Variants in FOXP1 observed in about 807,000 individuals in gnomAD.
FOXP1 encodes forkhead box P1.
FOXP1 carries 15 observed loss-of-function variants against 98.2 expected under a neutral mutation model. The observed-to-expected ratio is 0.15, with a 90% CI of 0.10 to 0.24. FOXP1 has a LOEUF of 0.24. Among genes scored for constraint, FOXP1 ranks in the 10% least tolerant of loss-of-function variants. FOXP1 has a pLI of 1.00. For synonymous variants in FOXP1, 371 were observed against 314.5 expected (o/e 1.18, Z -1.90); for missense variants, 633 against 848.5 (o/e 0.75, Z 3.15).
At chr3:71,507,769 G>C (rs2041930414) in intron 2 of FOXP1, among the ~76,000 whole-genome samples, 1 of 152,082 alleles carries the variant, frequency 6.6e-6, no homozygotes, top group Non-Finnish European at 1.5e-5. Flanking sequence ...AGTAGAGATG[G>C]GGTTTCACCA....
chr3:71,395,975 T>C (rs1215098169), intron 3 of FOXP1, among the ~76,000 whole-genome samples: 1 of 152,178 alleles, frequency 6.6e-6, no homozygotes, highest in Non-Finnish European at 1.5e-5. Flanking sequence ...GAGGCATCTT[T>C]GCACCCACCA....
intron 13 of FOXP1, among the ~76,000 whole-genome samples, chr3:70,997,748 G>A (rs923495890): frequency 2.6e-5 from 4 of 152,202 alleles, no homozygotes; most frequent in African/African-American, 9.6e-5. Flanking sequence ...CTTCTAGAGT[G>A]TAAGAACTTG....
chr3:71,386,199 C>T (rs2080558504), intron 3 of FOXP1, among the ~76,000 whole-genome samples: 1 of 152,208 alleles, frequency 6.6e-6, no homozygotes, highest in Non-Finnish European at 1.5e-5. Flanking sequence ...TTCCTCCTAT[C>T]TGGGCTCCTC....
chr3:71,484,439 GA>G (rs1184530590), intron 3 of FOXP1, among the ~76,000 whole-genome samples: 1 of 152,172 alleles, frequency 6.6e-6, no homozygotes, highest in Non-Finnish European at 1.5e-5. Context: ...GTGCCACCTG[GA>G]GCATTCATTG....
chr3:71,376,873 G>T (rs1407784570), intron 3 of FOXP1, among the ~76,000 whole-genome samples: 1 of 151,994 alleles, frequency 6.6e-6, no homozygotes, highest in African/African-American at 2.4e-5. Context: ...AAAGGTGAGG[G>T]TATACAAAGA....
intron 3 of FOXP1, among the ~76,000 whole-genome samples, chr3:71,440,451 G>C (rs1242663993): frequency 6.6e-6 from 1 of 152,052 alleles, no homozygotes; most frequent in Non-Finnish European, 1.5e-5. Context: ...GCTGAGGCGG[G>C]CAGATCACGA....
intron 2 of FOXP1, among the ~76,000 whole-genome samples, chr3:71,494,131 G>A (rs988650731): frequency 3.9e-5 from 6 of 152,026 alleles, no homozygotes; most frequent in African/African-American, 7.2e-5. Flanking sequence ...AAGCACATAC[G>A]GTGCGATGGT....
At chr3:71,487,724 G>T (rs573850548) in intron 3 of FOXP1, among the ~76,000 whole-genome samples, 1 of 152,184 alleles carries the variant, frequency 6.6e-6, no homozygotes, top group Non-Finnish European at 1.5e-5. Flanking sequence ...TCATGTGAAC[G>T]AAAGTCTGCC....
chr3:71,053,328 T>C (rs934490462), intron 8 of FOXP1, among the ~76,000 whole-genome samples: 2 of 152,206 alleles, frequency 1.3e-5, no homozygotes, highest in East Asian at 1.9e-4. Flanking sequence ...TTTGCTTTGA[T>C]TCACACCATT....
intron 6 of FOXP1, among the ~76,000 whole-genome samples, chr3:71,136,601 T>C (rs2059830369): frequency 6.6e-6 from 1 of 152,222 alleles, no homozygotes; most frequent in African/African-American, 2.4e-5. Flanking sequence ...ATTAAGATAC[T>C]GCATTTTCAT....
chr3:71,044,216 A>G (rs1303641729), intron 10 of FOXP1, among the ~76,000 whole-genome samples: 2 of 152,228 alleles, frequency 1.3e-5, no homozygotes, highest in Non-Finnish European at 2.9e-5. Context: ...AAATTTCCAG[A>G]AAGTATGTAT....
intron 3 of FOXP1, among the ~76,000 whole-genome samples, chr3:71,472,493 G>A (rs938215436): frequency 6.7e-6 from 1 of 150,234 alleles, no homozygotes; most frequent in African/African-American, 2.5e-5. Context: ...GTCATATTTT[G>A]GGTGTCGGTT....
chr3:71,061,375 G>C (rs935439579), intron 7 of FOXP1, among the ~76,000 whole-genome samples: 2 of 152,116 alleles, frequency 1.3e-5, no homozygotes, highest in African/African-American at 2.4e-5. Context: ...TACGTGCAAA[G>C]ATACATGAAA....
At chr3:71,050,084 T>G (rs187041611) in intron 9 of FOXP1, among the ~76,000 whole-genome samples, 1 of 152,284 alleles carries the variant, frequency 6.6e-6, no homozygotes, top group East Asian at 1.9e-4. Flanking sequence ...TCTTGCTTTC[T>G]CCTTGTTTAG....
intron 5 of FOXP1, among the ~76,000 whole-genome samples, chr3:71,205,845 G>A (rs2063997246): frequency 6.6e-6 from 1 of 152,128 alleles, no homozygotes; most frequent in East Asian, 1.9e-4. Flanking sequence ...ACGCAAGCAA[G>A]GAACACTAAA....
At chr3:71,313,822 G>A (rs1045734614) in intron 4 of FOXP1, among the ~76,000 whole-genome samples, 9 of 152,190 alleles carry the variant, frequency 5.9e-5, no homozygotes, top group Non-Finnish European at 1.2e-4. Flanking sequence ...ACCGTGCCCG[G>A]TCGAGTATCT....
chr3:71,227,230 C>T (rs923040964), intron 5 of FOXP1, among the ~76,000 whole-genome samples: 1 of 152,076 alleles, frequency 6.6e-6, no homozygotes, highest in Non-Finnish European at 1.5e-5. Context: ...CATGTCTCCT[C>T]GGATCCCCTT....
chr3:71,201,944 C>A (rs1028737069), intron 5 of FOXP1, among the ~76,000 whole-genome samples: 3 of 152,134 alleles, frequency 2.0e-5, no homozygotes, highest in Admixed American at 1.3e-4. Flanking sequence ...AATATCCTGT[C>A]CTGATGGAAG....
At chr3:71,006,757 G>A (rs1410448932) in intron 12 of FOXP1, among the ~76,000 whole-genome samples, 1 of 152,092 alleles carries the variant, frequency 6.6e-6, no homozygotes, top group East Asian at 1.9e-4. Context: ...CAGTGATATA[G>A]ATGTACCGCA....
Sources: allele counts gnomAD v4.1 joint callset (sites outside exome capture counted in the v4.1 genomes callset), GRCh38; gene constraint gnomAD v4.1.1; transcripts MANE v1.5; gene names NCBI Gene and HGNC (gene_info 2026-07-23, HGNC 2026-07-21).